The following CSTPP1 variants were observed in gnomAD, a reference collection of about 807,000 sequenced individuals.
CSTPP1 encodes UPF0705 protein C11orf49.
chr11:47,160,455 G>A, the CSTPP1 span: 1 of 152,402 alleles, frequency 6.6e-6, no homozygotes, highest in South Asian at 2.1e-4. Context: ...AGATACACTG[G>A]TTGACGCGTC....
At chr11:46,961,626 A>C in the CSTPP1 span, among the ~76,000 whole-genome samples, 1 of 152,176 alleles carries the variant, frequency 6.6e-6, no homozygotes, top group East Asian at 1.9e-4. Flanking sequence ...TTTAGGTGTT[A>C]TATCTAAGAA....
the CSTPP1 span, among the ~76,000 whole-genome samples, chr11:47,027,569 A>G: frequency 6.6e-6 from 1 of 152,238 alleles, no homozygotes; most frequent in Non-Finnish European, 1.5e-5. Flanking sequence ...GTGATCAAGG[A>G]AAGAAACTAA....
chr11:46,993,951 G>C, the CSTPP1 span, among the ~76,000 whole-genome samples: 3 of 152,038 alleles, frequency 2.0e-5, no homozygotes, highest in East Asian at 3.9e-4. Flanking sequence ...CTTTTATTTC[G>C]TTGAGCAGTG....
chr11:47,021,836 C>T, the CSTPP1 span, among the ~76,000 whole-genome samples: 3 of 152,176 alleles, frequency 2.0e-5, no homozygotes, highest in South Asian at 6.2e-4. Flanking sequence ...ATTTTTTAAT[C>T]CCCTCTGTCT....
At chr11:47,065,829 C>T in the CSTPP1 span, among the ~76,000 whole-genome samples, 1 of 151,738 alleles carries the variant, frequency 6.6e-6, no homozygotes, top group Non-Finnish European at 1.5e-5. Flanking sequence ...CTGCAACCTC[C>T]GCCACCCGGG....
At chr11:47,065,482 T>C in the CSTPP1 span, among the ~76,000 whole-genome samples, 2 of 152,068 alleles carry the variant, frequency 1.3e-5, no homozygotes, top group African/African-American at 4.8e-5. Flanking sequence ...CTCACTCTGT[T>C]GCCCAGACTG....
chr11:47,123,587 C>G, the CSTPP1 span, among the ~76,000 whole-genome samples: 87 of 152,186 alleles, frequency 5.7e-4, no homozygotes, highest in Non-Finnish European at 9.6e-4. Flanking sequence ...TCCTTGCTCT[C>G]TTGGAGCTTC....
chr11:47,122,087 AAAAAATATAT>A, the CSTPP1 span, among the ~76,000 whole-genome samples: 44 of 73,028 alleles, frequency 6.0e-4, no homozygotes, highest in African/African-American at 1.5e-3. Context: ...AAAAAAAAAA[AAAAAATATAT>A]ATATATATAT....
At chr11:47,124,928 T>C in the CSTPP1 span, among the ~76,000 whole-genome samples, 1 of 152,216 alleles carries the variant, frequency 6.6e-6, no homozygotes, top group Non-Finnish European at 1.5e-5. Context: ...TTTATTAAAA[T>C]AAGATGAGTG....
chr11:47,110,471 G>A, the CSTPP1 span, among the ~76,000 whole-genome samples: 11 of 152,312 alleles, frequency 7.2e-5, no homozygotes, highest in African/African-American at 2.2e-4. Context: ...AATTGAATAC[G>A]TTAAGTCAAA....
chr11:47,026,978 C>A, the CSTPP1 span, among the ~76,000 whole-genome samples: 1 of 152,036 alleles, frequency 6.6e-6, no homozygotes, highest in Admixed American at 6.6e-5. Flanking sequence ...TTCTCAGTAC[C>A]TTCCTCAGGA....
At chr11:47,104,468 C>T in the CSTPP1 span, among the ~76,000 whole-genome samples, 3 of 152,208 alleles carry the variant, frequency 2.0e-5, no homozygotes, top group Non-Finnish European at 4.4e-5. Flanking sequence ...ATTCTTTTCA[C>T]ATCATTTTGT....
chr11:46,971,298 C>T, the CSTPP1 span, among the ~76,000 whole-genome samples: 1 of 152,310 alleles, frequency 6.6e-6, no homozygotes, highest in South Asian at 2.1e-4. Flanking sequence ...AAATAAACCA[C>T]TGGAAATAAG....
the CSTPP1 span, among the ~76,000 whole-genome samples, chr11:47,075,222 A>G: frequency 6.6e-6 from 1 of 152,038 alleles, no homozygotes; most frequent in East Asian, 1.9e-4. Context: ...AACTACAAAA[A>G]TTAGCCAGGT....
the CSTPP1 span, among the ~76,000 whole-genome samples, chr11:47,060,536 C>T: frequency 6.6e-6 from 1 of 151,998 alleles, no homozygotes; most frequent in African/African-American, 2.4e-5. Context: ...ACTCTCAAGC[C>T]CACAAAGTCC....
chr11:46,943,283 C>G, the CSTPP1 span, among the ~76,000 whole-genome samples: 21,852 of 152,206 alleles, frequency 0.14, 5,235 homozygotes, highest in African/African-American at 0.5. Context: ...GTTGTTATCT[C>G]CATTCGGCAG....
the CSTPP1 span, chr11:47,041,574 C>T: frequency 2.8e-4 from 113 of 405,180 alleles, 30 homozygotes; most frequent in East Asian, 9.7e-4. Flanking sequence ...AGCTCATGGC[C>T]TCATTGATGC....
chr11:47,012,199 G>A, the CSTPP1 span, among the ~76,000 whole-genome samples: 1 of 152,134 alleles, frequency 6.6e-6, no homozygotes, highest in African/African-American at 2.4e-5. Context: ...CTTCAGCCCA[G>A]TGAACTGTGA....
the CSTPP1 span, among the ~76,000 whole-genome samples, chr11:46,973,674 C>T: frequency 8.5e-5 from 13 of 152,186 alleles, no homozygotes; most frequent in Admixed American, 6.5e-4. Context: ...ATTTTGCTTA[C>T]ATTTTATAAC....
Sources: gnomAD v4.1 joint callset for allele counts (sites outside exome capture counted in the v4.1 genomes callset) on GRCh38, gnomAD v4.1.1 for gene constraint, MANE v1.5 for transcripts, NCBI Gene and HGNC (gene_info 2026-07-23, HGNC 2026-07-21) for gene names.